The following EPHA4 variants were observed in gnomAD, a reference collection of about 807,000 sequenced individuals.
EPHA4 encodes ephrin type-A receptor 4.
In EPHA4, 19 loss-of-function variants were observed where a neutral mutation model predicts 108.3. That is an observed-to-expected ratio of 0.18 (90% CI 0.12 to 0.26). The LOEUF (loss-of-function observed/expected upper bound fraction) is 0.26. Ranked by LOEUF, EPHA4 falls within the 10% of genes least tolerant of loss-of-function variation. The pLI, the probability that EPHA4 is intolerant of heterozygous loss-of-function variation, is 1.00. For missense variants in EPHA4, 917 were observed against 1,254.0 expected, an observed-to-expected ratio of 0.73 and a Z score of 4.06; for synonymous variants, 449 against 455.5, an observed-to-expected ratio of 0.99 and a Z score of 0.18.
chr2:221,438,010 C>A (rs11678946), intron 11 of EPHA4, among the ~76,000 whole-genome samples: 57,769 of 152,032 alleles, frequency 0.38, 13,144 homozygotes, highest in South Asian at 0.56. Flanking sequence ...TTCACTTTCC[C>A]TAGCTATGAA....
chr2:221,546,894 G>A (rs1461219506), intron 3 of EPHA4, among the ~76,000 whole-genome samples: 1 of 152,164 alleles, frequency 6.6e-6, no homozygotes, highest in Non-Finnish European at 1.5e-5. Context: ...ATTAATTAGG[G>A]TTGTGTTACA....
At position 221,530,258 on chromosome 2, in the gene EPHA4, G is replaced by A. The variant is rs534601550; in HGVS notation, c.824-29086C>T. ...CTTATTGTACATGTCTCAGCAAGTC[G>A]CCATCAGCTGTTATTTGTTATTAAG... On this transcript the variant is annotated intron_variant, in intron 3 of 17. Transcript: ENST00000281821. Among the ~76,000 whole-genome samples the A allele has an allele frequency of 1.1e-4, 16 of 151,224 alleles. 1 individual carries two copies. Among genetic ancestry groups the A allele is most frequent in the Admixed American group, 9.2e-4 (14 of 15,188 alleles).
intron 13 of EPHA4, among the ~76,000 whole-genome samples, chr2:221,434,571 A>T (rs893581362): frequency 1.1e-4 from 16 of 152,228 alleles, no homozygotes; most frequent in Non-Finnish European, 2.9e-5. Flanking sequence ...AAAAAAAGAA[A>T]TCTCAGGTTT....
chr2:221,569,458 T>A (rs544737076), intron 1 of EPHA4: 2 of 152,326 alleles, frequency 1.3e-5, no homozygotes, highest in South Asian at 2.1e-4. Context: ...CTTCCACCCG[T>A]AGGAAATCAC....
At chr2:221,542,154 A>G (rs1693857919) in intron 3 of EPHA4, among the ~76,000 whole-genome samples, 1 of 152,224 alleles carries the variant, frequency 6.6e-6, no homozygotes, top group Non-Finnish European at 1.5e-5. Flanking sequence ...CAAAAGGACT[A>G]GGAAAAGGTG....
chr2:221,506,655 C>A lies in EPHA4; in HGVS notation c.824-5483G>T, dbSNP rs190872765. Among the ~76,000 whole-genome samples the A allele has an allele frequency of 7.2e-5, 11 of 152,274 alleles. No homozygotes were observed. The East Asian group carries it at 2.1e-3, about 29-fold the overall frequency. On this transcript the variant is annotated intron_variant, in intron 3 of 17. Transcript: ENST00000281821. Reference sequence around the variant, plus strand: ...CAAACGCTGGCAAATCCATATTGTCCAAATCACCTGCATTCTACAAGTGGT... The same window carrying A: ...CAAACGCTGGCAAATCCATATTGTCAAAATCACCTGCATTCTACAAGTGGT...
In EPHA4 at chr2:221,434,421, A is replaced by G. The variant is rs1326678770; in HGVS notation, c.2347-130T>C. On this transcript the variant is annotated intron_variant, in intron 13 of 17. Coordinates refer to ENST00000281821, the MANE Select transcript of EPHA4 (RefSeq NM_004438.5). ...GAGATAGCTCTCAAAACAATAAGAC[A>G]CTTGTTCATTTTAACGCAAGTCTTC... The G allele has an allele frequency of 2.5e-5, 23 of 930,916 alleles. No homozygotes were observed. The South Asian group carries it at 3.7e-4, about 15-fold the overall frequency. 57.7% of individuals were successfully genotyped at this position (930,916 alleles called of 1,614,324 possible).
At chr2:221,552,242 C>T (rs192108499) in intron 3 of EPHA4, among the ~76,000 whole-genome samples, 1 of 152,348 alleles carries the variant, frequency 6.6e-6, no homozygotes, top group East Asian at 1.9e-4. Flanking sequence ...AGTGCCCTAA[C>T]AGCTAAAGGT....
chr2:221,421,795 A>C (rs1689769264), intron 17 of EPHA4, among the ~76,000 whole-genome samples: 1 of 152,140 alleles, frequency 6.6e-6, no homozygotes, highest in African/African-American at 2.4e-5. Context: ...ACCAAAATGC[A>C]CTTTTATAGA....
Position 221,466,419 on chromosome 2 carries a change from C to T in EPHA4, c.1319-8429G>A, listed in dbSNP as rs77860888. On this transcript the variant is annotated intron_variant, in intron 5 of 17. Transcript: ENST00000281821. ...CCTGGGCAAGGCACTTGCACATACA[C>T]GCACACCTGACATCATTTCATCCCT... 4.4e-3 allele frequency among the ~76,000 whole-genome samples: 663 copies of T among 152,164 alleles called. 4 individuals carry two copies. In the Middle Eastern group the frequency reaches 0.048, roughly 11 times the overall value.
chr2:221,523,575 C>T (rs1302770245), intron 3 of EPHA4, among the ~76,000 whole-genome samples: 2 of 151,264 alleles, frequency 1.3e-5, no homozygotes, highest in African/African-American at 4.9e-5. Context: ...GCATGAGCCA[C>T]CGTGCCTGGC....
Position 221,430,165 on chromosome 2 carries a change from C to G in EPHA4, c.2497-14G>C. On this transcript the variant is annotated splice_polypyrimidine_tract_variant and intron_variant, in intron 14 of 17. Coordinates refer to ENST00000281821, the MANE Select transcript of EPHA4 (RefSeq NM_004438.5). ...GGCTTTAATCACCTATGGAAGACAACAGGATGGTATGTTAAGCTGCCAGGC... is the reference window on the plus strand; with the variant it reads ...GGCTTTAATCACCTATGGAAGACAAGAGGATGGTATGTTAAGCTGCCAGGC... The G allele has an allele frequency of 2.5e-6, 4 of 1,590,808 alleles. No homozygotes were observed. Among genetic ancestry groups the G allele is most frequent in the Non-Finnish European group, 3.4e-6 (4 of 1,170,160 alleles).
At chr2:221,458,773 C>T (rs977412845) in intron 5 of EPHA4, among the ~76,000 whole-genome samples, 1 of 152,166 alleles carries the variant, frequency 6.6e-6, no homozygotes, top group Admixed American at 6.5e-5. Flanking sequence ...CTGCAGTGGT[C>T]GCATCTCCAG....
intron 3 of EPHA4, among the ~76,000 whole-genome samples, chr2:221,556,765 G>C (rs568579595): frequency 6.6e-6 from 1 of 152,248 alleles, no homozygotes; most frequent in South Asian, 2.1e-4. Flanking sequence ...AAACGATAGA[G>C]AGAGGCTATA....
At chr2:221,556,923 T>C (rs1694324106) in intron 3 of EPHA4, among the ~76,000 whole-genome samples, 1 of 152,210 alleles carries the variant, frequency 6.6e-6, no homozygotes, top group South Asian at 2.1e-4. Context: ...GGTTTGGTAC[T>C]ATTTGAGCTT....
chr2:221,494,787 A>G (rs1692254852), intron 4 of EPHA4, among the ~76,000 whole-genome samples: 1 of 152,120 alleles, frequency 6.6e-6, no homozygotes, highest in Non-Finnish European at 1.5e-5. Flanking sequence ...TGATAACCAG[A>G]CTGCATTCCA....
At chr2:221,503,680 C>A (rs1176058712) in intron 3 of EPHA4, among the ~76,000 whole-genome samples, 1 of 152,142 alleles carries the variant, frequency 6.6e-6, no homozygotes, top group Non-Finnish European at 1.5e-5. Flanking sequence ...CACTCTTTTC[C>A]TTTTGCTTTT....
intron 3 of EPHA4, among the ~76,000 whole-genome samples, chr2:221,552,545 C>T (rs546178391): frequency 2.0e-5 from 3 of 152,176 alleles, no homozygotes; most frequent in Non-Finnish European, 4.4e-5. Flanking sequence ...GGTAAAGGAG[C>T]CAGAAAGGTA....
At chr2:221,464,192 T>C (rs1691235414) in intron 5 of EPHA4, among the ~76,000 whole-genome samples, 1 of 152,184 alleles carries the variant, frequency 6.6e-6, no homozygotes, top group Admixed American at 6.5e-5. Flanking sequence ...CAGATGATAT[T>C]TACTCAAGGG....
Sources: gnomAD v4.1 joint callset for allele counts (sites outside exome capture counted in the v4.1 genomes callset) on GRCh38, gnomAD v4.1.1 for gene constraint, MANE v1.5 for transcripts, NCBI Gene and HGNC (gene_info 2026-07-23, HGNC 2026-07-21) for gene names.